The following IL1RAPL2 variants were observed in gnomAD, a reference collection of about 807,000 sequenced individuals.
IL1RAPL2 encodes the protein interleukin 1 receptor accessory protein like 2.
Under a neutral mutation model 44.1 loss-of-function variants are expected in IL1RAPL2, and 3 were observed. The ratio of observed to expected loss-of-function variants is 0.07; its 90% CI spans 0.03 to 0.18. The LOEUF is 0.18. Ranked by LOEUF, IL1RAPL2 falls within the 10% of genes least tolerant of loss-of-function variation. IL1RAPL2 has a pLI of 1.00. For missense variants in IL1RAPL2, 391 were observed against 496.4 expected, an observed-to-expected ratio of 0.79 and a Z score of 2.02; for synonymous variants, 181 against 178.8, an observed-to-expected ratio of 1.01 and a Z score of -0.10.
chrX:104,623,058 T>TA (rs771397489), intron 1 of IL1RAPL2, among the ~76,000 whole-genome samples: 2 of 110,813 alleles, frequency 1.8e-5, no homozygotes, highest in East Asian at 2.9e-4. Context: ...CATTTTTTTT[T>TA]AAAAAAAGTT....
intron 2 of IL1RAPL2, among the ~76,000 whole-genome samples, chrX:104,815,139 G>C (rs1921099903): frequency 9.0e-6 from 1 of 111,526 alleles, no homozygotes; most frequent in Non-Finnish European, 1.9e-5. Context: ...GGAGAAAAAA[G>C]AAAAATCTAA....
intron 5 of IL1RAPL2, among the ~76,000 whole-genome samples, chrX:105,423,578 AAAC>A (rs199832777): frequency 1.8e-5 from 2 of 111,481 alleles, no homozygotes; most frequent in Non-Finnish European, 3.8e-5. Flanking sequence ...AGAATGGAAC[AAAC>A]AACAACAACA....
At chrX:105,608,225 T>C (rs1041877646) in intron 6 of IL1RAPL2, among the ~76,000 whole-genome samples, 1 of 111,920 alleles carries the variant, frequency 8.9e-6, no homozygotes, top group Non-Finnish European at 1.9e-5. Context: ...GGTGCAGATA[T>C]CTTCCCATGT....
At chrX:105,695,077 A>T (rs1417902164) in intron 6 of IL1RAPL2, among the ~76,000 whole-genome samples, 1 of 111,846 alleles carries the variant, frequency 8.9e-6, no homozygotes, top group Non-Finnish European at 1.9e-5. Context: ...CCTTAGCAAC[A>T]GTGTACATAT....
intron 3 of IL1RAPL2, chrX:105,220,121 G>T: frequency 8.3e-7 from 1 of 1,211,533 alleles, no homozygotes. Flanking sequence ...AAGCCGTGCA[G>T]CCACCGCACC....
intron 6 of IL1RAPL2, among the ~76,000 whole-genome samples, chrX:105,601,075 A>G (rs1394602192): frequency 9.0e-6 from 1 of 111,519 alleles, no homozygotes; most frequent in Non-Finnish European, 1.9e-5. Context: ...GTGCATTTTC[A>G]TATATTTTGT....
At chrX:105,717,544 T>C (rs779966624) in intron 7 of IL1RAPL2, 48 bp downstream of exon 7, 2 of 1,118,723 alleles carry the variant, frequency 1.8e-6, no homozygotes, top group Admixed American at 4.9e-5. Context: ...TACGGGATTC[T>C]GCTCAGGATT....
At chrX:105,055,195 G>A (rs755952348) in intron 2 of IL1RAPL2, among the ~76,000 whole-genome samples, 9 of 111,815 alleles carry the variant, frequency 8.0e-5, no homozygotes, top group Admixed American at 1.9e-4. Flanking sequence ...TTCCTGGTTC[G>A]TAGACAGTGG....
chrX:104,734,785 T>A (rs1016857534), intron 2 of IL1RAPL2, among the ~76,000 whole-genome samples: 13 of 111,766 alleles, frequency 1.2e-4, no homozygotes, highest in African/African-American at 4.2e-4. Flanking sequence ...TTACTGTATA[T>A]TAATTTAAAA....
chrX:105,547,895 A>C (rs1337037902), intron 6 of IL1RAPL2, among the ~76,000 whole-genome samples: 4 of 112,649 alleles, frequency 3.6e-5, no homozygotes, highest in Non-Finnish European at 7.5e-5. Context: ...GTCACAATGC[A>C]TGCAAGGATA....
chrX:104,630,050 C>A (rs1386033841), intron 1 of IL1RAPL2, among the ~76,000 whole-genome samples: 1 of 110,592 alleles, frequency 9.0e-6, no homozygotes, highest in African/African-American at 3.3e-5. Context: ...GTGGTGTGAT[C>A]TCGGCTCACT....
At chrX:105,458,956 G>C (rs1432739658) in intron 5 of IL1RAPL2, among the ~76,000 whole-genome samples, 1 of 111,483 alleles carries the variant, frequency 9.0e-6, no homozygotes, top group Non-Finnish European at 1.9e-5. Flanking sequence ...GAGGCTATTG[G>C]CTGTTAAGGA....
At chrX:104,573,312 A>G (rs1368809135) in intron 1 of IL1RAPL2, among the ~76,000 whole-genome samples, 2 of 112,321 alleles carry the variant, frequency 1.8e-5, no homozygotes, top group African/African-American at 3.2e-5. Flanking sequence ...AAATAAGACT[A>G]AAAATTTCGG....
In IL1RAPL2 at chrX:104,632,539, C is replaced by A. The variant is rs1929675741; in HGVS notation, c.-19-26356C>A. On this transcript the variant is annotated intron_variant, in intron 1 of 10. Coordinates refer to ENST00000372582, the MANE Select transcript of IL1RAPL2 (RefSeq NM_017416.2). ...TCCTTGAGCAGTGGTTTGTAGTTCT[C>A]CTTGAAGAGGTCCTTCACATCCCTT... 2.8e-5 allele frequency among the ~76,000 whole-genome samples: 3 copies of A among 109,068 alleles called. No individual in the cohort carries two copies. The Admixed American group carries it at 3.0e-4, about 11-fold the overall frequency. The allele number at this position is 109,068 out of a possible 115,157, so 94.7% of individuals were successfully genotyped here. A position where few individuals can be genotyped will look rare whatever the true frequency, so the allele number is the denominator to read the frequency against.
intron 5 of IL1RAPL2, among the ~76,000 whole-genome samples, chrX:105,379,328 C>T (rs2035411776): frequency 9.0e-6 from 1 of 111,197 alleles, no homozygotes; most frequent in Non-Finnish European, 1.9e-5. Context: ...GGATATTACT[C>T]AGAATTTGTC....
At chrX:104,769,600 C>G (rs773559835) in intron 2 of IL1RAPL2, among the ~76,000 whole-genome samples, 153 of 112,084 alleles carry the variant, frequency 1.4e-3, no homozygotes, top group Non-Finnish European at 2.5e-3. Context: ...ATTCCTGTGG[C>G]CTGCAACAGG....
chrX:105,201,103 AT>A (rs200737778), intron 3 of IL1RAPL2, among the ~76,000 whole-genome samples: 9 of 111,882 alleles, frequency 8.0e-5, no homozygotes, highest in Non-Finnish European at 1.5e-4. Context: ...TAATCCCAAT[AT>A]TTTTGGTCTC....
chrX:105,693,648 AAC>A (rs1348405439), intron 6 of IL1RAPL2, among the ~76,000 whole-genome samples: 1 of 111,705 alleles, frequency 9.0e-6, no homozygotes, highest in African/African-American at 3.3e-5. Flanking sequence ...AAAACAGACT[AAC>A]ACAGACCTTG....
At chrX:105,626,168 A>G (rs181140849) in intron 6 of IL1RAPL2, among the ~76,000 whole-genome samples, 1 of 112,075 alleles carries the variant, frequency 8.9e-6, no homozygotes, top group Admixed American at 9.5e-5. Flanking sequence ...CAGGGATGCA[A>G]TGAAATTCTT....
Sources: allele counts gnomAD v4.1 joint callset (sites outside exome capture counted in the v4.1 genomes callset), GRCh38; gene constraint gnomAD v4.1.1; transcripts MANE v1.5; gene names NCBI Gene and HGNC (gene_info 2026-07-23, HGNC 2026-07-21).